ZBTB20: variants seen among roughly 807,000 people sequenced by gnomAD.
The protein encoded by ZBTB20 is zinc finger and BTB domain containing 20.
In ZBTB20, 9 loss-of-function variants were observed where a neutral mutation model predicts 56.9. The observed-to-expected ratio is 0.16, with a 90% confidence interval of 0.10 to 0.28. The LOEUF (loss-of-function observed/expected upper bound fraction) is 0.28, where lower values mean the gene tolerates loss of function less well. Ranked by LOEUF, ZBTB20 falls within the 10% of genes least tolerant of loss-of-function variation. The probability of loss-of-function intolerance (pLI) is 1.00; values close to 1 mark genes in which losing one functional copy is unlikely to be tolerated. For missense variants in ZBTB20, 655 were observed against 1,003.0 expected (o/e 0.65, Z 4.69); for synonymous variants, 417 against 420.7 (o/e 0.99, Z 0.11).
At chr3:114,873,884 T>C (rs1427966407) in intron 4 of ZBTB20, 1 of 152,222 alleles carries the variant, frequency 6.6e-6, no homozygotes, top group Non-Finnish European at 1.5e-5. Flanking sequence ...TGTCATTCTC[T>C]TCATATTTTA....
At chr3:114,870,006 C>T (rs2075927352) in intron 4 of ZBTB20, among the ~76,000 whole-genome samples, 1 of 152,140 alleles carries the variant, frequency 6.6e-6, no homozygotes, top group Non-Finnish European at 1.5e-5. Context: ...AGTAGGGTGG[C>T]ACCAAGTTCC....
At position 114,581,663 on chromosome 3, in the gene ZBTB20, C is replaced by T. The variant is rs554566879; in HGVS notation, c.-294-81272G>A. Among the ~76,000 whole-genome samples the T allele has an allele frequency of 7.5e-5, 11 of 147,570 alleles. No individual in the cohort carries two copies. The East Asian group carries it at 2.2e-3, about 29-fold the overall frequency. Reference sequence around the variant, plus strand: ...GACAAAAGATGCAAATTAGGCAACACAGAAGAGAAAATCCCAATGGCTTAC... The same window carrying T: ...GACAAAAGATGCAAATTAGGCAACATAGAAGAGAAAATCCCAATGGCTTAC... On this transcript the variant is annotated intron_variant, in intron 6 of 11. Transcript: ENST00000675478.
intron 5 of ZBTB20, among the ~76,000 whole-genome samples, chr3:114,737,885 T>G (rs1474874623): frequency 1.3e-5 from 2 of 152,176 alleles, no homozygotes; most frequent in African/African-American, 4.8e-5. Context: ...CAAATCTCTA[T>G]GTAGGAAAAA....
intron 1 of ZBTB20, among the ~76,000 whole-genome samples, chr3:115,098,306 A>AT (rs2083452412): frequency 6.6e-6 from 1 of 152,214 alleles, no homozygotes; most frequent in African/African-American, 2.4e-5. Flanking sequence ...AAACAGTAGA[A>AT]TTTTAGATGG....
At chr3:114,371,880 G>C (rs954644982) in intron 10 of ZBTB20, among the ~76,000 whole-genome samples, 5 of 149,938 alleles carry the variant, frequency 3.3e-5, no homozygotes, top group Non-Finnish European at 7.4e-5. Flanking sequence ...ACATTCCTCA[G>C]AGAGAACAAA....
intron 6 of ZBTB20, among the ~76,000 whole-genome samples, chr3:114,514,626 G>A (rs1365672184): frequency 6.6e-6 from 1 of 152,114 alleles, no homozygotes; most frequent in Non-Finnish European, 1.5e-5. Context: ...AGTAAGTAAT[G>A]GGGAATACTT....
At chr3:114,661,226 C>T (rs1003706426) in intron 6 of ZBTB20, among the ~76,000 whole-genome samples, 3 of 151,970 alleles carry the variant, frequency 2.0e-5, no homozygotes, top group Non-Finnish European at 4.4e-5. Context: ...CGAAAATGAC[C>T]CTGCCTAGTT....
intron 4 of ZBTB20, among the ~76,000 whole-genome samples, chr3:114,820,028 T>G (rs2073150644): frequency 6.6e-6 from 1 of 151,916 alleles, no homozygotes; most frequent in African/African-American, 2.4e-5. Flanking sequence ...AAGAATGTAG[T>G]TAGAAAAGCA....
chr3:114,535,683 A>G (rs1378845943), intron 6 of ZBTB20, among the ~76,000 whole-genome samples: 3 of 152,220 alleles, frequency 2.0e-5, no homozygotes, highest in African/African-American at 7.2e-5. Context: ...GCAGAGTCAC[A>G]ACAAAAAAAG....
intron 7 of ZBTB20, among the ~76,000 whole-genome samples, chr3:114,469,180 A>G (rs1387754070): frequency 6.6e-6 from 1 of 152,092 alleles, no homozygotes; most frequent in Non-Finnish European, 1.5e-5. Context: ...GTAACTTTCT[A>G]ATTAAAGAAA....
At chr3:114,378,797 T>C (rs7646591) in intron 10 of ZBTB20, among the ~76,000 whole-genome samples, 2,507 of 152,350 alleles carry the variant, frequency 0.016, 72 homozygotes, top group African/African-American at 0.058. Flanking sequence ...TCATTACTAT[T>C]ACACTGAAGA....
At chr3:115,131,205 T>G (rs756535169) in intron 1 of ZBTB20, among the ~76,000 whole-genome samples, 1 of 152,210 alleles carries the variant, frequency 6.6e-6, no homozygotes, top group African/African-American at 2.4e-5. Context: ...TTTCCTCTCA[T>G]AAATAGTTAT....
chr3:114,787,572 G>C (rs562150598), intron 5 of ZBTB20, among the ~76,000 whole-genome samples: 16 of 151,808 alleles, frequency 1.1e-4, no homozygotes, highest in African/African-American at 3.9e-4. Context: ...TGAGTTAGTG[G>C]TGAGAGGATG....
At chr3:114,583,812 A>T (rs1359344885) in intron 6 of ZBTB20, among the ~76,000 whole-genome samples, 2 of 152,258 alleles carry the variant, frequency 1.3e-5, no homozygotes, top group South Asian at 2.1e-4. Flanking sequence ...ATTTAAGCAC[A>T]TCAGTGCAAA....
intron 7 of ZBTB20, among the ~76,000 whole-genome samples, chr3:114,415,831 C>A (rs1284052466): frequency 6.6e-6 from 1 of 152,024 alleles, no homozygotes; most frequent in Non-Finnish European, 1.5e-5. Flanking sequence ...AGTTGTGCTA[C>A]AAGAACAATC....
At chr3:114,558,157 C>G (rs2051495738) in intron 6 of ZBTB20, among the ~76,000 whole-genome samples, 1 of 151,960 alleles carries the variant, frequency 6.6e-6, no homozygotes, top group Admixed American at 6.6e-5. Context: ...GGTAAAGAAT[C>G]AGGACATTTA....
At chr3:114,913,802 G>A (rs991757959) in intron 3 of ZBTB20, among the ~76,000 whole-genome samples, 1 of 151,642 alleles carries the variant, frequency 6.6e-6, no homozygotes. Context: ...CTGCATGTGG[G>A]TATTCAGTTT....
chr3:114,393,432 C>T (rs1252031781), intron 7 of ZBTB20, among the ~76,000 whole-genome samples: 2 of 152,124 alleles, frequency 1.3e-5, no homozygotes, highest in African/African-American at 4.8e-5. Flanking sequence ...TATGTCTGTC[C>T]TTTAATTAAA....
intron 7 of ZBTB20, among the ~76,000 whole-genome samples, chr3:114,418,219 T>C (rs532162149): frequency 6.6e-6 from 1 of 152,204 alleles, no homozygotes; most frequent in South Asian, 2.1e-4. Flanking sequence ...TATCTGATGT[T>C]ACCAAGCATT....
Sources: gnomAD v4.1 joint callset for allele counts (sites outside exome capture counted in the v4.1 genomes callset) on GRCh38, gnomAD v4.1.1 for gene constraint, MANE v1.5 for transcripts, NCBI Gene and HGNC (gene_info 2026-07-23, HGNC 2026-07-21) for gene names.